The following CADM2 variants were observed in gnomAD, a reference collection of about 807,000 sequenced individuals.
CADM2 encodes immunoglobulin superfamily member 4D.
In CADM2, 12 loss-of-function variants were observed where a neutral mutation model predicts 49.8. That is an observed-to-expected ratio of 0.24 (90% CI 0.15 to 0.39). CADM2 has a LOEUF of 0.39. Ranked by LOEUF, CADM2 falls within the 10% of genes least tolerant of loss-of-function variation. The probability of loss-of-function intolerance (pLI) is 1.00; values close to 1 mark genes in which losing one functional copy is unlikely to be tolerated. For missense variants in CADM2, 378 were observed against 492.3 expected (o/e 0.77, Z 2.20); for synonymous variants, 214 against 175.4 (o/e 1.22, Z -1.74).
intron 1 of CADM2, among the ~76,000 whole-genome samples, chr3:85,611,717 T>C (rs2063687628): frequency 6.6e-6 from 1 of 151,688 alleles, no homozygotes; most frequent in Non-Finnish European, 1.5e-5. Context: ...ACTTTTTTTT[T>C]TTTTTTTCAG....
intron 2 of CADM2, among the ~76,000 whole-genome samples, chr3:85,767,480 C>G (rs73845649): frequency 1.3e-5 from 2 of 152,134 alleles, no homozygotes; most frequent in Non-Finnish European, 1.5e-5. Context: ...ATTAAATTTG[C>G]AGAGTAGTCA....
intron 2 of CADM2, among the ~76,000 whole-genome samples, chr3:85,761,491 C>T (rs988827548): frequency 6.6e-6 from 1 of 150,544 alleles, no homozygotes; most frequent in African/African-American, 2.5e-5. Context: ...ACTGTCTTAC[C>T]TCAGCCTCCC....
chr3:85,327,308 T>G (rs1182656563), intron 1 of CADM2, among the ~76,000 whole-genome samples: 1 of 151,978 alleles, frequency 6.6e-6, no homozygotes, highest in Non-Finnish European at 1.5e-5. Context: ...CAGGCTGGAG[T>G]GCAGTGTCAC....
rs935632866 is a variant in CADM2 at position 85,248,747 on chromosome 3, A to G, written c.61+289079A>G. 7.9e-5 allele frequency among the ~76,000 whole-genome samples: 12 copies of G among 152,212 alleles called. 1 individual carries two copies. Among genetic ancestry groups the G allele is most frequent in the African/African-American group, 2.9e-4 (12 of 41,468 alleles). ...TAAATCGAAAGTAGGTTAATGATAT[A>G]ATAGAAGGAATAGCCTGAGTAAGAC... is the stretch of plus-strand genomic sequence containing the variant. On this transcript the variant is annotated intron_variant, in intron 1 of 9. Coordinates refer to ENST00000383699, the MANE Select transcript of CADM2 (RefSeq NM_001167675.2).
intron 1 of CADM2, among the ~76,000 whole-genome samples, chr3:85,424,509 C>T (rs2036312451): frequency 2.6e-5 from 4 of 152,100 alleles, no homozygotes; most frequent in South Asian, 2.1e-4. Context: ...AGGGCTTTGG[C>T]TCTCCTGTCA....
intron 7 of CADM2, among the ~76,000 whole-genome samples, chr3:85,946,207 G>T (rs1722668550): frequency 6.6e-6 from 1 of 151,732 alleles, no homozygotes; most frequent in South Asian, 2.1e-4. Context: ...AAATACCTAG[G>T]AATCCAACTT....
chr3:85,256,910 A>G (rs1232708567), intron 1 of CADM2, among the ~76,000 whole-genome samples: 1 of 152,066 alleles, frequency 6.6e-6, no homozygotes, highest in Non-Finnish European at 1.5e-5. Context: ...TTGTGTTGGG[A>G]TTTAACAGAA....
intron 1 of CADM2, among the ~76,000 whole-genome samples, chr3:85,341,573 C>A (rs1207070614): frequency 6.6e-6 from 1 of 151,864 alleles, no homozygotes; most frequent in African/African-American, 2.4e-5. Context: ...GATAAGAAAT[C>A]AGTGTGAACC....
rs746885139 is a variant in CADM2 at position 85,905,285 on chromosome 3, AGTCT to A, written c.530-7083_530-7080del. ...TAGATCTGCGTAAAAGAAAAAAGTT[AGTCT>A]GTCTAATTCCAAATATTTTGTCATA... On this transcript the variant is annotated intron_variant, in intron 5 of 9. Transcript: ENST00000383699. Among the ~76,000 whole-genome samples the A allele has an allele frequency of 1.4e-4, 21 of 152,256 alleles. No homozygotes were observed. The East Asian group carries it at 2.5e-3, about 18-fold the overall frequency.
intron 8 of CADM2, among the ~76,000 whole-genome samples, chr3:86,064,179 A>G (rs186328640): frequency 2.2e-4 from 34 of 152,006 alleles, no homozygotes; most frequent in African/African-American, 7.5e-4. Flanking sequence ...TACATTAGGT[A>G]TATCTCCTAA....
intron 8 of CADM2, among the ~76,000 whole-genome samples, chr3:85,991,111 T>G (rs1728724771): frequency 6.6e-6 from 1 of 152,188 alleles, no homozygotes; most frequent in African/African-American, 2.4e-5. Flanking sequence ...GACTGGGAGT[T>G]AAGGCTAAGA....
At chr3:85,583,536 C>G (rs2062854163) in intron 1 of CADM2, among the ~76,000 whole-genome samples, 1 of 151,946 alleles carries the variant, frequency 6.6e-6, no homozygotes, top group South Asian at 2.1e-4. Flanking sequence ...GGAAATTGAG[C>G]AAATGGTTTC....
chr3:85,108,421 A>G (rs974838242), intron 1 of CADM2, among the ~76,000 whole-genome samples: 2 of 152,174 alleles, frequency 1.3e-5, no homozygotes, highest in Non-Finnish European at 2.9e-5. Context: ...AAGATATTAT[A>G]CTAAGGGAAA....
intron 8 of CADM2, among the ~76,000 whole-genome samples, chr3:86,056,692 AGTTT>A (rs1235768580): frequency 6.6e-6 from 1 of 152,142 alleles, no homozygotes; most frequent in Non-Finnish European, 1.5e-5. Context: ...TTACTGAAAC[AGTTT>A]GTAAATTGAT....
chr3:85,485,488 A>C (rs2039380078), intron 1 of CADM2, among the ~76,000 whole-genome samples: 1 of 151,984 alleles, frequency 6.6e-6, no homozygotes, highest in Non-Finnish European at 1.5e-5. Context: ...TGGAAAAAAT[A>C]ACCATATCTA....
intron 8 of CADM2, among the ~76,000 whole-genome samples, chr3:86,015,757 C>A (rs766560320): frequency 4.6e-5 from 7 of 152,168 alleles, no homozygotes; most frequent in Non-Finnish European, 1.0e-4. Flanking sequence ...TCTTCCTAAG[C>A]TTTTTAGCCG....
chr3:86,031,945 G>A (rs980615794), intron 8 of CADM2, among the ~76,000 whole-genome samples: 1 of 151,728 alleles, frequency 6.6e-6, no homozygotes, highest in African/African-American at 2.4e-5. Context: ...TTTATTAAAT[G>A]AGAAAGGAAG....
At chr3:85,202,933 T>G (rs2041545153) in intron 1 of CADM2, among the ~76,000 whole-genome samples, 1 of 152,048 alleles carries the variant, frequency 6.6e-6, no homozygotes, top group Non-Finnish European at 1.5e-5. Flanking sequence ...GGAGACAGCC[T>G]TTTTCTTAAA....
chr3:85,214,830 C>G (rs1025173351), intron 1 of CADM2, among the ~76,000 whole-genome samples: 1 of 151,916 alleles, frequency 6.6e-6, no homozygotes, highest in African/African-American at 2.4e-5. Flanking sequence ...TGCTGCCAGT[C>G]GTGAGTCCCT....
Sources: gnomAD v4.1 joint callset for allele counts (sites outside exome capture counted in the v4.1 genomes callset) on GRCh38, gnomAD v4.1.1 for gene constraint, MANE v1.5 for transcripts, NCBI Gene and HGNC (gene_info 2026-07-23, HGNC 2026-07-21) for gene names.